MTO1: variants seen among roughly 807,000 people sequenced by gnomAD.
MTO1 encodes the protein 5-taurinomethyluridine-[tRNA] synthase subunit MTO1, mitochondrial.
MTO1 carries 46 observed loss-of-function variants against 71.6 expected under a neutral mutation model. That is an observed-to-expected ratio of 0.64 (90% CI 0.51 to 0.82). MTO1 has a LOEUF of 0.82. MTO1 is among the 40% of genes least tolerant of loss of function. MTO1 has a pLI of 0.00. For synonymous variants in MTO1, 297 were observed against 312.1 expected (o/e 0.95, Z 0.51); for missense variants, 773 against 867.5 (o/e 0.89, Z 1.37).
rs368723563 is a variant in MTO1 at position 73,461,924 on chromosome 6, C to T, written c.70C>T (p.Arg24Trp). 7.4e-6 allele frequency: 12 copies of T among 1,614,102 alleles called. No individual in the cohort carries two copies. The East Asian group carries it at 8.9e-5, about 12-fold the overall frequency. Reference protein sequence around the residue: ...SFTKQQFPLARLSSDSAAPRT... With the variant: ...SFTKQQFPLAWLSSDSAAPRT... ...CACCAAGCAGCAATTTCCGTTGGCA[C>T]GGTTGAGCAGTGACAGCGCGGCGCC... Residue 24 changes from arginine to tryptophan, a missense_variant, in exon 1 of 12, where the codon CGG (arginine) becomes TGG (tryptophan). Physicochemically the swap from Arg to Trp is moderately radical, Grantham distance 101. Transcript: ENST00000498286.
At position 73,480,669 on chromosome 6, in the gene MTO1, G is replaced by C. The variant is rs923594911; in HGVS notation, c.1130-6G>C. ...TACTTATTTAATGTCTTTGTTCTTT[G>C]GTCAGGCTACGGTGTTCAGTATGAT... On this transcript the variant is annotated splice_region_variant and splice_polypyrimidine_tract_variant and intron_variant, in intron 6 of 11. Coordinates refer to ENST00000498286, the MANE Select transcript of MTO1 (RefSeq NM_012123.4). The C allele has an allele frequency of 6.2e-7, 1 of 1,613,510 alleles. No homozygotes were observed.
rs565041674 is a variant in MTO1, at chr6:73,471,588, AT to A, written c.536-1768del. 1,750 of 305,536 alleles carry A rather than the reference AT, an allele frequency of 5.7e-3. 22 individuals are homozygous for A. Among genetic ancestry groups the A allele is most frequent in the Non-Finnish European group, 5.3e-3 (839 of 158,112 alleles). The allele number at this position is 305,536 out of a possible 1,614,324, so 18.9% of individuals were successfully genotyped here. ...TGTCACCACCCCTGGCTAATTTATT[AT>A]TTTTTTTTGTAGAGATGGGGGTCTC... is the stretch of plus-strand genomic sequence containing the variant. On this transcript the variant is annotated intron_variant, in intron 3 of 11. Coordinates refer to ENST00000498286, the MANE Select transcript of MTO1 (RefSeq NM_012123.4).
chr6:73,484,115 A>G (rs943451834), intron 9 of MTO1, among the ~76,000 whole-genome samples: 1 of 152,074 alleles, frequency 6.6e-6, no homozygotes, highest in Non-Finnish European at 1.5e-5. Flanking sequence ...CCAAAGCACT[A>G]GCACCAGCAA....
chr6:73,478,244 C>CA lies in MTO1; in HGVS notation c.826-1472dup, dbSNP rs34143098. On this transcript the variant is annotated intron_variant, in intron 4 of 11. Transcript: ENST00000498286. Reference sequence around the variant, plus strand: ...CTGGCGACAGAGCAAGACTCTGTCTCAAAAAAAAAAAAAAAAGTATATTGT... The same window carrying CA: ...CTGGCGACAGAGCAAGACTCTGTCTCAAAAAAAAAAAAAAAAAGTATATTGT... 3.3e-3 allele frequency among the ~76,000 whole-genome samples: 335 copies of CA among 100,868 alleles called. 1 individual carries two copies. The highest frequency in any genetic ancestry group is 7.2e-3 in the African/African-American group (196 of 27,386). The allele number at this position is 100,868 out of a possible 152,430, so 66.2% of individuals were successfully genotyped here.
chr6:73,478,880 C>CT (rs374614949), intron 4 of MTO1, among the ~76,000 whole-genome samples: 29 of 144,992 alleles, frequency 2.0e-4, no homozygotes, highest in South Asian at 4.4e-4. Flanking sequence ...CACAAAAACA[C>CT]TTTTTTTTTT....
At chr6:73,473,711 A>G in intron 4 of MTO1, 57 bp downstream of exon 4, 2 of 1,314,586 alleles carry the variant, frequency 1.5e-6, no homozygotes, top group Non-Finnish European at 2.0e-6. Flanking sequence ...CACAGCAGGA[A>G]GTACTGTAAC....
intron 9 of MTO1, among the ~76,000 whole-genome samples, chr6:73,484,512 C>T (rs1771599191): frequency 6.6e-6 from 1 of 152,062 alleles, no homozygotes; most frequent in Non-Finnish European, 1.5e-5. Flanking sequence ...GCCCTAATCA[C>T]CTCCTAAGGG....
intron 10 of MTO1, among the ~76,000 whole-genome samples, chr6:73,495,563 A>T (rs910132826): frequency 6.8e-6 from 1 of 146,344 alleles, no homozygotes; most frequent in African/African-American, 2.5e-5. Context: ...ATCATGGCTT[A>T]AAAAAAAAAA....
rs760099438 is a variant in MTO1 at position 73,500,787 on chromosome 6, C to G, written c.*52C>G. 1 of 1,348,934 alleles carries G rather than the reference C, an allele frequency of 7.4e-7. No homozygotes were observed. Among genetic ancestry groups the G allele is most frequent in the South Asian group, 1.9e-5 (1 of 53,904 alleles). The allele number at this position is 1,348,934 out of a possible 1,614,324, so 83.6% of individuals were successfully genotyped here. A position where few individuals can be genotyped will look rare whatever the true frequency, so the allele number is the denominator to read the frequency against. On this transcript the variant is annotated 3_prime_UTR_variant, in exon 12 of 12. Coordinates refer to ENST00000498286, the MANE Select transcript of MTO1 (RefSeq NM_012123.4). ...GAGCATATAAATAATTTGATCAATA[C>G]AACAGTATAGATAAAAGAATTATTT...
At position 73,508,725 on chromosome 6, in the gene MTO1, C is replaced by T. The variant is rs1414091718; in HGVS notation, c.*7990C>T. 1 of 152,076 alleles carries T rather than the reference C, an allele frequency of 6.6e-6. No homozygotes were observed. Among genetic ancestry groups the T allele is most frequent in the Non-Finnish European group, 1.5e-5 (1 of 68,014 alleles). The allele number at this position is 152,076 out of a possible 1,614,324, so 9.4% of individuals were successfully genotyped here. A position where few individuals can be genotyped will look rare whatever the true frequency, so the allele number is the denominator to read the frequency against. ...TAGCTATGAGAAAACATTCTTTGTA[C>T]CCAACCATAAATGAATAAAAATCAC... On this transcript the variant is annotated 3_prime_UTR_variant, in exon 12 of 12. Transcript: ENST00000498286.
intron 4 of MTO1, among the ~76,000 whole-genome samples, chr6:73,477,094 T>A (rs981465960): frequency 6.6e-6 from 1 of 150,592 alleles, no homozygotes; most frequent in African/African-American, 2.4e-5. Flanking sequence ...ACCAAAAAAT[T>A]TTTTTAAAGA....
chr6:73,493,216 G>A (rs949829062), intron 10 of MTO1, among the ~76,000 whole-genome samples: 14 of 150,402 alleles, frequency 9.3e-5, no homozygotes, highest in Admixed American at 6.0e-4. Flanking sequence ...GGCTGGTCTC[G>A]AACTCCTGCT....
intron 9 of MTO1, among the ~76,000 whole-genome samples, chr6:73,485,047 A>C (rs79022972): frequency 2.5e-3 from 259 of 102,294 alleles, no homozygotes; most frequent in South Asian, 5.6e-3. Flanking sequence ...TCTCTGTATC[A>C]AAAAAAAAAA....
chr6:73,491,381 A>G (rs1047097042), intron 9 of MTO1, among the ~76,000 whole-genome samples: 3 of 151,258 alleles, frequency 2.0e-5, no homozygotes, highest in Non-Finnish European at 4.4e-5. Flanking sequence ...GCAACATGAC[A>G]AAACCCTGTC....
rs765385743 is a variant in MTO1 at position 73,497,157 on chromosome 6, C to CTTTTTT, written c.1757-571_1757-566dup. Reference sequence around the variant, plus strand: ...TTTGCACTGACAGCGGAAGCAAATTCTTTTTTTTTTTTTGAGACAGAGTCT... The same window carrying CTTTTTT: ...TTTGCACTGACAGCGGAAGCAAATTCTTTTTTTTTTTTTTTTTTTGAGACAGAGTCT... On this transcript the variant is annotated intron_variant, in intron 10 of 11. Transcript: ENST00000498286. Among the ~76,000 whole-genome samples, 3 of 92,716 alleles carry CTTTTTT rather than the reference C, an allele frequency of 3.2e-5. 1 individual carries two copies. Among genetic ancestry groups the CTTTTTT allele is most frequent in the Non-Finnish European group, 5.9e-5 (3 of 50,582 alleles). 60.8% of individuals were successfully genotyped at this position (92,716 alleles called of 152,430 possible).
chr6:73,486,704 C>T (rs919951686), intron 9 of MTO1: 3 of 321,022 alleles, frequency 9.3e-6, no homozygotes, highest in Non-Finnish European at 1.9e-5. Context: ...AGCCATTGCA[C>T]CCAAACCTGA....
chr6:73,493,834 C>T (rs192288115), intron 10 of MTO1, among the ~76,000 whole-genome samples: 126 of 152,246 alleles, frequency 8.3e-4, no homozygotes, highest in African/African-American at 3.0e-3. Flanking sequence ...CAAATACTTA[C>T]TTTGTATCAA....
rs1582698513 is a variant in MTO1, at chr6:73,493,896, G to A, written c.1756+1544G>A. 2.0e-5 allele frequency among the ~76,000 whole-genome samples: 3 copies of A among 152,120 alleles called. No individual in the cohort carries two copies. The East Asian group carries it at 5.8e-4, about 29-fold the overall frequency. On this transcript the variant is annotated intron_variant, in intron 10 of 11. Coordinates refer to ENST00000498286, the MANE Select transcript of MTO1 (RefSeq NM_012123.4). Reference sequence around the variant, plus strand: ...AAAGCCACAGGTGTCTCTGGTAGTTGCTCTGCATTTTTTTAAGTTTTTCAT... The same window carrying A: ...AAAGCCACAGGTGTCTCTGGTAGTTACTCTGCATTTTTTTAAGTTTTTCAT...
chr6:73,482,503 T>A lies in MTO1; in HGVS notation c.1520T>A (p.Met507Lys). 1 of 1,613,482 alleles carries A rather than the reference T, an allele frequency of 6.2e-7. No homozygotes were observed. Among genetic ancestry groups the A allele is most frequent in the Non-Finnish European group, 8.5e-7 (1 of 1,179,864 alleles). The change falls in exon 9 of 12, where the codon ATG becomes AAG. Residue 507 changes from methionine (M) to lysine (K), a missense_variant. By Grantham distance (95) the Met-to-Lys change is moderately conservative. Transcript: ENST00000498286. ...CAACGATATGAAAGAGCTTGTTGGA[T>A]GAAGTCTTCTTTAGAAGAAGGCATT... ...SQQRYERACW[M>K]KSSLEEGISV...
Sources: allele counts gnomAD v4.1 joint callset (sites outside exome capture counted in the v4.1 genomes callset), GRCh38; gene constraint gnomAD v4.1.1; transcripts MANE v1.5; gene names NCBI Gene and HGNC (gene_info 2026-07-23, HGNC 2026-07-21).